The following WTIP variants were observed in gnomAD, a reference collection of about 807,000 sequenced individuals.
The protein encoded by WTIP is Wilms tumor protein 1-interacting protein.
In WTIP, 23 loss-of-function variants were observed where a neutral mutation model predicts 41.7. The observed-to-expected ratio is 0.55, with a 90% CI of 0.40 to 0.78. The LOEUF (loss-of-function observed/expected upper bound fraction) is 0.78. WTIP is among the 30% of genes least tolerant of loss of function. The pLI, the probability that WTIP is intolerant of heterozygous loss-of-function variation, is 0.00. For synonymous variants in WTIP, 314 were observed against 269.9 expected (o/e 1.16, Z -1.60); for missense variants, 619 against 610.5 (o/e 1.01, Z -0.15).
intron 1 of WTIP, among the ~76,000 whole-genome samples, chr19:34,483,003 C>CTT (rs2075777673): frequency 1.5e-5 from 2 of 133,366 alleles, no homozygotes; most frequent in African/African-American, 5.7e-5. Flanking sequence ...TTTTTTCTTT[C>CTT]TTCTTTTTTT....
At chr19:34,484,060 G>A (rs1197304445) in intron 1 of WTIP, among the ~76,000 whole-genome samples, 1 of 151,770 alleles carries the variant, frequency 6.6e-6, no homozygotes, top group Non-Finnish European at 1.5e-5. Flanking sequence ...CCCAGTAGCT[G>A]GGATTACAGG....
In WTIP at chr19:34,482,344, G is replaced by A; in HGVS notation, c.370G>A (p.Gly124Ser). 3 of 1,386,368 alleles carry A rather than the reference G, an allele frequency of 2.2e-6. No homozygotes were observed. Among genetic ancestry groups the A allele is most frequent in the African/African-American group, 1.5e-5 (1 of 65,742 alleles). The allele number at this position is 1,386,368 out of a possible 1,614,324, so 85.9% of individuals were successfully genotyped here. The change falls in exon 1 of 8, where the codon GGT becomes AGT. Residue 124 changes from glycine (G) to serine (S), a missense_variant. Gly to Ser is a moderately conservative substitution (Grantham distance 56, BLOSUM62 0). Around this residue, in one of 3 missense-constraint regions of WTIP, gnomAD observed 363 missense variants for 309.0 expected, o/e 1.17. Coordinates refer to ENST00000590071, the MANE Select transcript of WTIP (RefSeq NM_001080436.2). ...CCAGCGCCACGGCAGCCCGCGCTCC[G>A]GTCGCTCGGACCCGCGTCCCGGTCC... ...YDQRHGSPRS[G>S]RSDPRPGPGP...
chr19:34,490,397 T>A lies in WTIP; in HGVS notation c.689T>A (p.Leu230His), dbSNP rs1264317851. 6.2e-7 allele frequency: 1 copy of A among 1,613,920 alleles called. No homozygotes were observed. The highest frequency in any genetic ancestry group is 1.3e-5 in the African/African-American group (1 of 74,934). Reference protein sequence around the residue: ...DYFGICIKCGLGIYGAQQACQ... With the variant: ...DYFGICIKCGHGIYGAQQACQ... ...CTAGGCATTTGCATCAAGTGTGGGC[T>A]TGGCATCTACGGAGCCCAGCAGGCG... The change falls in exon 2 of 8, where the codon CTT (leucine) becomes CAT (histidine). Residue 230 changes from leucine (L) to histidine (H), a missense_variant. By Grantham distance (99) the Leu-to-His change is moderately conservative. Around this residue, in one of 3 missense-constraint regions of WTIP, gnomAD observed 164 missense variants for 219.1 expected, o/e 0.75. Transcript: ENST00000590071.
rs111433633 is a variant in WTIP at position 34,511,467 on chromosome 19, T to TACAAAA, written c.*11211_*11216dup. The stretch of plus-strand genomic sequence containing the variant: ...GCCAAACCGTATCAGACCCCGTCTC[T>TACAAAA]ACAAAAACAAAAACAAAATAAAAAA... On this transcript the variant is annotated 3_prime_UTR_variant, in exon 8 of 8. Coordinates refer to ENST00000590071, the MANE Select transcript of WTIP (RefSeq NM_001080436.2). 1 of 151,922 alleles carries TACAAAA rather than the reference T, an allele frequency of 6.6e-6. No homozygotes were observed. The highest frequency in any genetic ancestry group is 1.5e-5 in the Non-Finnish European group (1 of 68,016). The allele number at this position is 151,922 out of a possible 1,614,324, so 9.4% of individuals were successfully genotyped here.
chr19:34,500,044 C>T, intron 7 of WTIP, 85 bp from the exon 8 acceptor site: 2 of 1,536,368 alleles, frequency 1.3e-6, no homozygotes, highest in Middle Eastern at 1.8e-4. Context: ...AGATCTGCCC[C>T]TCCCCTCCGT....
chr19:34,488,803 C>T (rs900918483), intron 1 of WTIP, among the ~76,000 whole-genome samples: 5 of 150,462 alleles, frequency 3.3e-5, no homozygotes, highest in Non-Finnish European at 5.9e-5. Flanking sequence ...CTTGGGAGGC[C>T]GAGGTGGGAG....
At chr19:34,499,057 G>GA (rs1276685109) in intron 7 of WTIP, among the ~76,000 whole-genome samples, 5 of 150,892 alleles carry the variant, frequency 3.3e-5, no homozygotes, top group African/African-American at 9.8e-5. Context: ...AAATACAAGG[G>GA]GAAAAAAATT....
Position 34,502,799 on chromosome 19 carries a change from C to CT in WTIP, c.*2530_*2531insT, listed in dbSNP as rs2075894646. On this transcript the variant is annotated 3_prime_UTR_variant, in exon 8 of 8. Transcript: ENST00000590071. The stretch of plus-strand genomic sequence containing the variant: ...GTCAAACTCCTGACCTCAAGCGAGC[C>CT]CACCTTGGCCTCCCAGAGTGTTGGG... 2 of 152,196 alleles carry CT rather than the reference C, an allele frequency of 1.3e-5. No homozygotes were observed. Among genetic ancestry groups the CT allele is most frequent in the African/African-American group, 4.8e-5 (2 of 41,416 alleles). 9.4% of individuals were successfully genotyped at this position (152,196 alleles called of 1,614,324 possible). A position where few individuals can be genotyped will look rare whatever the true frequency, so the allele number is the denominator to read the frequency against.
intron 1 of WTIP, among the ~76,000 whole-genome samples, chr19:34,488,956 G>A (rs935409509): frequency 6.7e-6 from 1 of 148,636 alleles, no homozygotes; most frequent in African/African-American, 2.5e-5. Flanking sequence ...CCAGCACTTT[G>A]GGAGGCCAAA....
chr19:34,487,239 G>A (rs893389546), intron 1 of WTIP, among the ~76,000 whole-genome samples: 10 of 151,636 alleles, frequency 6.6e-5, no homozygotes, highest in African/African-American at 2.4e-4. Context: ...CAAGCAACTG[G>A]GATTAGTGTC....
At position 34,505,233 on chromosome 19, in the gene WTIP, C is replaced by G. The variant is rs2145617025; in HGVS notation, c.*4964C>G. On this transcript the variant is annotated 3_prime_UTR_variant, in exon 8 of 8. Coordinates refer to ENST00000590071, the MANE Select transcript of WTIP (RefSeq NM_001080436.2). The stretch of plus-strand genomic sequence containing the variant: ...CACCTATCTCAGGCCCAGGCCCTTG[C>G]CAGGTTCCTAGTCCCTGGCCGGATA... 6.6e-6 allele frequency: 1 copy of G among 152,324 alleles called. No homozygotes were observed. Among genetic ancestry groups the G allele is most frequent in the African/African-American group, 2.4e-5 (1 of 41,522 alleles). 9.4% of individuals were successfully genotyped at this position (152,324 alleles called of 1,614,324 possible).
chr19:34,497,314 T>C (rs1161588625), intron 7 of WTIP, among the ~76,000 whole-genome samples: 3 of 151,986 alleles, frequency 2.0e-5, no homozygotes, highest in African/African-American at 4.8e-5. Flanking sequence ...ATTTCCCCTC[T>C]CTGAGAGATG....
chr19:34,490,023 T>TGA (rs2075817591), intron 1 of WTIP, among the ~76,000 whole-genome samples: 1 of 152,298 alleles, frequency 6.6e-6, no homozygotes, highest in African/African-American at 2.4e-5. Flanking sequence ...AGGATCGCTT[T>TGA]AACCCAGGAG....
chr19:34,500,431 C>G lies in WTIP; in HGVS notation c.*162C>G. On this transcript the variant is annotated 3_prime_UTR_variant, in exon 8 of 8. Coordinates refer to ENST00000590071, the MANE Select transcript of WTIP (RefSeq NM_001080436.2). The stretch of plus-strand genomic sequence containing the variant: ...CCGCGTGGAAGCTTCTATTTATTCA[C>G]CGTCTGTGCCTGCTCAAGTCACTTC... 3.9e-6 allele frequency: 4 copies of G among 1,023,402 alleles called. No homozygotes were observed. The highest frequency in any genetic ancestry group is 5.4e-6 in the Non-Finnish European group (4 of 737,478). The allele number at this position is 1,023,402 out of a possible 1,614,324, so 63.4% of individuals were successfully genotyped here. A position where few individuals can be genotyped will look rare whatever the true frequency, so the allele number is the denominator to read the frequency against.
intron 7 of WTIP, among the ~76,000 whole-genome samples, chr19:34,497,134 A>G (rs1406851434): frequency 2.6e-5 from 4 of 152,116 alleles, no homozygotes; most frequent in African/African-American, 4.8e-5. Context: ...AAGTGCTAGG[A>G]TTACAGGCTT....
At chr19:34,495,232 C>CA (rs571874594) in intron 6 of WTIP, among the ~76,000 whole-genome samples, 189 of 151,690 alleles carry the variant, frequency 1.2e-3, no homozygotes, top group African/African-American at 3.7e-3. Flanking sequence ...CCCATTTCTA[C>CA]AAAAAAAATA....
At chr19:34,499,898 C>T (rs968412220) in intron 7 of WTIP, among the ~76,000 whole-genome samples, 2 of 152,094 alleles carry the variant, frequency 1.3e-5, no homozygotes, top group African/African-American at 2.4e-5. Flanking sequence ...AGGGTTTCAC[C>T]ATGTTGGCTG....
chr19:34,499,540 C>T (rs1453797286), intron 7 of WTIP, among the ~76,000 whole-genome samples: 1 of 152,012 alleles, frequency 6.6e-6, no homozygotes, highest in Non-Finnish European at 1.5e-5. Context: ...AAAAAACACC[C>T]AAACCATCAG....
intron 7 of WTIP, among the ~76,000 whole-genome samples, chr19:34,496,616 TGA>T (rs1375415033): frequency 4.2e-5 from 6 of 142,974 alleles, no homozygotes; most frequent in Admixed American, 2.8e-4. Flanking sequence ...TGGGCTGAGT[TGA>T]GTGATGGTTA....
Sources: allele counts gnomAD v4.1 joint callset (sites outside exome capture counted in the v4.1 genomes callset), GRCh38; gene constraint gnomAD v4.1.1; regional missense constraint gnomAD v4.1.1; transcripts MANE v1.5; gene names NCBI Gene and HGNC (gene_info 2026-07-23, HGNC 2026-07-21).